The following SULT1C4 variants were observed in gnomAD, a reference collection of about 807,000 sequenced individuals.
SULT1C4 encodes sulfotransferase 1C4.
In SULT1C4, 32 loss-of-function variants were observed where a neutral mutation model predicts 34.8. That is an observed-to-expected ratio of 0.92 (90% CI 0.69 to 1.23). The LOEUF is 1.23. SULT1C4 is among the 50% of genes most tolerant of loss of function. The pLI, the probability that SULT1C4 is intolerant of heterozygous loss-of-function variation, is 0.00. For missense variants in SULT1C4, 375 were observed against 365.9 expected (o/e 1.02, Z -0.20); for synonymous variants, 111 against 120.5 (o/e 0.92, Z 0.51).
intron 1 of SULT1C4, among the ~76,000 whole-genome samples, chr2:108,381,291 T>C (rs1678383327): frequency 6.6e-6 from 1 of 152,198 alleles, no homozygotes; most frequent in South Asian, 2.1e-4. Context: ...GATAATAAGA[T>C]ATAAATAAGG....
intron 3 of SULT1C4, 44 bp downstream of exon 3, chr2:108,382,526 C>G (rs1015656617): frequency 1.4e-6 from 2 of 1,436,138 alleles, no homozygotes; most frequent in Non-Finnish European, 2.0e-6. Flanking sequence ...CTTAAAACAA[C>G]CTTAGTCTTC....
Position 108,378,305 on chromosome 2 carries a change from G to C in SULT1C4, c.-33G>C. The C allele has an allele frequency of 6.3e-7, 1 of 1,598,868 alleles. No homozygotes were observed. On this transcript the variant is annotated 5_prime_UTR_variant, in exon 1 of 7. Coordinates refer to ENST00000272452, the MANE Select transcript of SULT1C4 (RefSeq NM_006588.4). Reference sequence around the variant, plus strand: ...CCATATGCTGACTGAAGATAACTTTGTGTCTGGAAGAGCCCTCTGATTTCT... The same window carrying C: ...CCATATGCTGACTGAAGATAACTTTCTGTCTGGAAGAGCCCTCTGATTTCT...
chr2:108,383,029 A>G, intron 3 of SULT1C4, 64 bp from the exon 4 acceptor site: 1 of 629,134 alleles, frequency 1.6e-6, no homozygotes, highest in Admixed American at 5.5e-5. Flanking sequence ...AGTAACAGCA[A>G]AAAAAAAAAA....
Position 108,387,441 on chromosome 2 carries a change from A to G in SULT1C4, c.*9A>G. 1 of 1,578,734 alleles carries G rather than the reference A, an allele frequency of 6.3e-7. No individual in the cohort carries two copies. Among genetic ancestry groups the G allele is most frequent in the Non-Finnish European group, 8.7e-7 (1 of 1,151,214 alleles). ...TCCACTTCCAGTTCTAGTAAGGAAG[A>G]AAAACTGAAAATGTTTTAGTTTATT... On this transcript the variant is annotated 3_prime_UTR_variant, in exon 7 of 7. Coordinates refer to ENST00000272452, the MANE Select transcript of SULT1C4 (RefSeq NM_006588.4).
chr2:108,387,604 G>T lies in SULT1C4; in HGVS notation c.*172G>T. ...ATTTTAAAAGGCTGGAGGCAAGGTGGTGACAGGCAGCAGGGTGGCGACATG... is the reference window on the plus strand; with the variant it reads ...ATTTTAAAAGGCTGGAGGCAAGGTGTTGACAGGCAGCAGGGTGGCGACATG... On this transcript the variant is annotated 3_prime_UTR_variant, in exon 7 of 7. Transcript: ENST00000272452. 1 of 569,966 alleles carries T rather than the reference G, an allele frequency of 1.8e-6. No individual in the cohort carries two copies. The allele number at this position is 569,966 out of a possible 1,614,324, so 35.3% of individuals were successfully genotyped here. A position where few individuals can be genotyped will look rare whatever the true frequency, so the allele number is the denominator to read the frequency against.
chr2:108,381,956 T>A (rs1182234967), intron 2 of SULT1C4, 69 bp downstream of exon 2: 1 of 1,388,574 alleles, frequency 7.2e-7, no homozygotes, highest in Non-Finnish European at 9.4e-7. Context: ...TCTTTGCACC[T>A]TTCGAAATTA....
In SULT1C4 at chr2:108,383,510, G is replaced by A. The variant is rs1678484449; in HGVS notation, c.615G>A (p.Lys205=). Residue 205 remains lysine, a splice_region_variant and synonymous_variant, in exon 5 of 7, where the codon AAG becomes AAA. Transcript: ENST00000272452. ...ATCTCTTCTATGAGGACATGAAGAA[G>A]GTGAGCACAGTGCCATCTAAGGTGT... ...ILYLFYEDMK[K]NPKHEIQKLA... is the part of the protein sequence containing the mutation. 2 of 1,613,590 alleles carry A rather than the reference G, an allele frequency of 1.2e-6. No homozygotes were observed. The highest frequency in any genetic ancestry group is 1.7e-6 in the Non-Finnish European group (2 of 1,179,626).
rs773624943 is a variant in SULT1C4 at position 108,382,410 on chromosome 2, C to T, written c.321C>T (p.Pro107=). ...GTTTGGAACAAGCTCATGCAATGCC[C>T]TCACCACGGATCCTGAAAACACATC... ...GSGLEQAHAM[P]SPRILKTHLP... The change falls in exon 3 of 7, where the codon CCC becomes CCT. Residue 107 remains proline (P), a synonymous_variant. Transcript: ENST00000272452. 1 of 1,613,946 alleles carries T rather than the reference C, an allele frequency of 6.2e-7. No homozygotes were observed. Among genetic ancestry groups the T allele is most frequent in the Admixed American group, 1.7e-5 (1 of 60,002 alleles).
At chr2:108,384,449 A>G (rs1438143341) in intron 5 of SULT1C4, among the ~76,000 whole-genome samples, 1 of 152,012 alleles carries the variant, frequency 6.6e-6, no homozygotes, top group Non-Finnish European at 1.5e-5. Flanking sequence ...GCCAGGTCTC[A>G]ATCTCCTGAC....
chr2:108,378,577 A>G, intron 1 of SULT1C4, 71 bp downstream of exon 1: 1 of 1,520,288 alleles, frequency 6.6e-7, no homozygotes, highest in Non-Finnish European at 8.9e-7. Flanking sequence ...TGCATTAGTC[A>G]TGAAATAAAG....
At chr2:108,385,994 A>G (rs1678556878) in intron 5 of SULT1C4, among the ~76,000 whole-genome samples, 198 bp from the exon 6 acceptor site, 1 of 152,218 alleles carries the variant, frequency 6.6e-6, no homozygotes, top group African/African-American at 2.4e-5. Context: ...TTAAGGGGAA[A>G]AAATTATTAG....
In SULT1C4 at chr2:108,383,485, A is replaced by C. The variant is rs772999744; in HGVS notation, c.590A>C (p.Tyr197Ser). Residue 197 changes from tyrosine (Y) to serine (S), a missense_variant, in exon 5 of 7, where the codon TAT becomes TCT. Coordinates refer to ENST00000272452, the MANE Select transcript of SULT1C4 (RefSeq NM_006588.4). ...WEAKDKHRILYLFYEDMKKNP... is the reference protein window; with the variant it reads ...WEAKDKHRILSLFYEDMKKNP... ...GCCAAAGACAAACACCGTATTCTCT[A>C]TCTCTTCTATGAGGACATGAAGAAG... 2.5e-6 allele frequency: 4 copies of C among 1,614,170 alleles called. No individual in the cohort carries two copies. The highest frequency in any genetic ancestry group is 2.2e-5 in the East Asian group (1 of 44,884).
In SULT1C4 at chr2:108,378,383, C is replaced by A. The variant is rs1202365786; in HGVS notation, c.46C>A (p.Arg16Ser). 3.7e-6 allele frequency: 6 copies of A among 1,614,124 alleles called. No homozygotes were observed. Among genetic ancestry groups the A allele is most frequent in the Non-Finnish European group, 5.1e-6 (6 of 1,180,004 alleles). The part of the protein sequence containing the change: ...MEDFTFDGTK[R>S]LSVNYVKGIL... Reference sequence around the variant, plus strand: ...GGATTTTACATTTGATGGAACAAAGCGCTTAAGTGTCAACTACGTGAAGGG... The same window carrying A: ...GGATTTTACATTTGATGGAACAAAGAGCTTAAGTGTCAACTACGTGAAGGG... Residue 16 changes from arginine (R) to serine (S), a missense_variant, in exon 1 of 7, where the codon CGC becomes AGC. Physicochemically the swap from Arg to Ser is moderately radical, Grantham distance 110. Coordinates refer to ENST00000272452, the MANE Select transcript of SULT1C4 (RefSeq NM_006588.4).
In SULT1C4 at chr2:108,378,325, A is replaced by G; in HGVS notation, c.-13A>G. 1 of 1,610,648 alleles carries G rather than the reference A, an allele frequency of 6.2e-7. No individual in the cohort carries two copies. The highest frequency in any genetic ancestry group is 1.3e-5 in the African/African-American group (1 of 74,852). On this transcript the variant is annotated 5_prime_UTR_variant, in exon 1 of 7. The change abolishes the stop of an existing upstream ORF in the 5' untranslated region. Coordinates refer to ENST00000272452, the MANE Select transcript of SULT1C4 (RefSeq NM_006588.4). Reference sequence around the variant, plus strand: ...ACTTTGTGTCTGGAAGAGCCCTCTGATTTCTTACACTAATGGCCTTACACG... The same window carrying G: ...ACTTTGTGTCTGGAAGAGCCCTCTGGTTTCTTACACTAATGGCCTTACACG...
At position 108,388,536 on chromosome 2, in the gene SULT1C4, C is replaced by T. The variant is rs1168717095; in HGVS notation, c.*1104C>T. On this transcript the variant is annotated 3_prime_UTR_variant, in exon 7 of 7. Coordinates refer to ENST00000272452, the MANE Select transcript of SULT1C4 (RefSeq NM_006588.4). Reference sequence around the variant, plus strand: ...CTTCCTAACCCATTTCTCTCTATTTCAGACAGATGGCAAGGTTATTTTCCT... The same window carrying T: ...CTTCCTAACCCATTTCTCTCTATTTTAGACAGATGGCAAGGTTATTTTCCT... 6.6e-6 allele frequency among the ~76,000 whole-genome samples: 1 copy of T among 152,200 alleles called. No homozygotes were observed. Among genetic ancestry groups the T allele is most frequent in the East Asian group, 1.9e-4 (1 of 5,204 alleles).
chr2:108,382,342 T>A (rs34003233), intron 2 of SULT1C4, 43 bp from the exon 3 acceptor site: 224,846 of 1,410,850 alleles, frequency 0.16, 18,055 homozygotes, highest in African/African-American at 0.28. Flanking sequence ...AGCAAATAGA[T>A]AAAAAAAAAA....
At chr2:108,378,591 T>G in intron 1 of SULT1C4, 85 bp downstream of exon 1, 1 of 1,475,654 alleles carries the variant, frequency 6.8e-7, no homozygotes, top group African/African-American at 1.4e-5. Flanking sequence ...AATAAAGAAG[T>G]TGATCTGGAA....
At chr2:108,381,654 A>G in intron 1 of SULT1C4, 108 bp from the exon 2 acceptor site, 5 of 1,242,254 alleles carry the variant, frequency 4.0e-6, no homozygotes, top group Non-Finnish European at 5.2e-6. Context: ...AAAACAAAAC[A>G]AAACAAAACA....
At position 108,388,370 on chromosome 2, in the gene SULT1C4, A is replaced by G. The variant is rs1678625267; in HGVS notation, c.*938A>G. On this transcript the variant is annotated 3_prime_UTR_variant, in exon 7 of 7. Transcript: ENST00000272452. ...CCCATTGCCACCACAATCCATTCTA[A>G]TATGTCAGAAAATCTGTCAGTTTTA... Among the ~76,000 whole-genome samples the G allele has an allele frequency of 8.2e-6, 1 of 121,734 alleles. No individual in the cohort carries two copies. Among genetic ancestry groups the G allele is most frequent in the South Asian group, 2.6e-4 (1 of 3,792 alleles). The allele number at this position is 121,734 out of a possible 152,430, so 79.9% of individuals were successfully genotyped here. A position where few individuals can be genotyped will look rare whatever the true frequency, so the allele number is the denominator to read the frequency against.
Sources: gnomAD v4.1 joint callset for allele counts (sites outside exome capture counted in the v4.1 genomes callset) on GRCh38, gnomAD v4.1.1 for gene constraint, MANE v1.5 for transcripts, NCBI Gene and HGNC (gene_info 2026-07-23, HGNC 2026-07-21) for gene names.